The following GALNT17 variants were observed in gnomAD, a reference collection of about 807,000 sequenced individuals.
GALNT17 encodes the protein polypeptide N-acetylgalactosaminyltransferase 17, also known as UDP-GalNAc:polypeptide N-acetylgalactosaminyltransferase-like 3.
In GALNT17, 29 loss-of-function variants were observed where a neutral mutation model predicts 63.7. The ratio of observed to expected loss-of-function variants is 0.46; its 90% CI spans 0.34 to 0.62. The LOEUF (loss-of-function observed/expected upper bound fraction) is 0.62. Among genes scored for constraint, GALNT17 ranks in the 20% least tolerant of loss-of-function variants. GALNT17 has a pLI of 0.01. For synonymous variants in GALNT17, 305 were observed against 318.3 expected (o/e 0.96, Z 0.45); for missense variants, 603 against 799.6 (o/e 0.75, Z 2.97).
At position 71,278,929 on chromosome 7, in the gene GALNT17, CT is replaced by C. The variant is rs918756020; in HGVS notation, c.239-56610del. ...TTTTCCTCTTTTTCTTCTTCTTCTT[CT>C]TTTTTTTTTTAATTGAGATGGAGTC... On this transcript the variant is annotated intron_variant, in intron 1 of 10. Coordinates refer to ENST00000333538, the MANE Select transcript of GALNT17 (RefSeq NM_022479.3). Among the ~76,000 whole-genome samples the C allele has an allele frequency of 8.3e-3, 1,197 of 145,066 alleles. 14 individuals are homozygous for C. Among genetic ancestry groups the C allele is most frequent in the African/African-American group, 0.025 (1,008 of 39,848 alleles).
At chr7:71,573,627 C>T (rs972070018) in intron 6 of GALNT17, among the ~76,000 whole-genome samples, 8 of 152,194 alleles carry the variant, frequency 5.3e-5, no homozygotes, top group African/African-American at 1.9e-4. Context: ...AGCCACCACA[C>T]CTGGCCTATT....
chr7:71,499,517 C>T (rs1433720108), intron 5 of GALNT17, among the ~76,000 whole-genome samples: 1 of 152,108 alleles, frequency 6.6e-6, no homozygotes, highest in Non-Finnish European at 1.5e-5. Context: ...AGGCTCAGAT[C>T]ACAGTGAGAG....
chr7:71,335,575 T>G lies in GALNT17; in HGVS notation c.264T>G (p.Ile88Met). 1 of 1,605,612 alleles carries G rather than the reference T, an allele frequency of 6.2e-7. No homozygotes were observed. The highest frequency in any genetic ancestry group is 1.1e-5 in the South Asian group (1 of 89,760). Reference protein sequence around the residue: ...LNGLSKSLGLIEGYGGRGKGG... With the variant: ...LNGLSKSLGLMEGYGGRGKGG... ...GCTTATCCAAATCCCTTGGGCTCAT[T>G]GAAGGTTATGGTGGGCGGGGTAAAG... Residue 88 changes from isoleucine (I) to methionine (M), a missense_variant, in exon 2 of 11, where the codon ATT (isoleucine) becomes ATG (methionine). By Grantham distance (10) the Ile-to-Met change is conservative (BLOSUM62 1). Around this residue, in one of 3 missense-constraint regions of GALNT17, gnomAD observed 195 missense variants for 215.0 expected, o/e 0.91. Coordinates refer to ENST00000333538, the MANE Select transcript of GALNT17 (RefSeq NM_022479.3).
At chr7:71,244,941 C>A (rs1790066606) in intron 1 of GALNT17, among the ~76,000 whole-genome samples, 2 of 151,448 alleles carry the variant, frequency 1.3e-5, no homozygotes, top group African/African-American at 4.9e-5. Flanking sequence ...CAGAGCGAGA[C>A]CCTATCTCCA....
At chr7:71,336,512 T>G (rs1791910686) in intron 2 of GALNT17, among the ~76,000 whole-genome samples, 1 of 152,194 alleles carries the variant, frequency 6.6e-6, no homozygotes. Flanking sequence ...CACTTTCAAG[T>G]AGGCCTCATG....
At position 71,428,445 on chromosome 7, in the gene GALNT17, T is replaced by C. The variant is rs1786800075; in HGVS notation, c.962+7340T>C. Among the ~76,000 whole-genome samples, 4 of 152,124 alleles carry C rather than the reference T, an allele frequency of 2.6e-5. No individual in the cohort carries two copies. In the South Asian group the frequency reaches 8.3e-4, roughly 32 times the overall value. On this transcript the variant is annotated intron_variant, in intron 5 of 10. Coordinates refer to ENST00000333538, the MANE Select transcript of GALNT17 (RefSeq NM_022479.3). ...TGCTTTTCTTGGTGGACATCCCTTT[T>C]ATTATTTTTTTTGAGACAGAATCTC...
chr7:71,499,811 G>A (rs1173297410), intron 5 of GALNT17, among the ~76,000 whole-genome samples: 1 of 152,280 alleles, frequency 6.6e-6, no homozygotes, highest in Middle Eastern at 3.4e-3. Flanking sequence ...ATCTTAAATT[G>A]TAGTTCCCAT....
At chr7:71,245,063 G>C (rs967665096) in intron 1 of GALNT17, among the ~76,000 whole-genome samples, 2 of 152,120 alleles carry the variant, frequency 1.3e-5, no homozygotes, top group African/African-American at 4.8e-5. Flanking sequence ...CCCCACTCTA[G>C]GACCTTCCAA....
At chr7:71,527,764 C>T (rs758255392) in intron 5 of GALNT17, among the ~76,000 whole-genome samples, 8 of 152,140 alleles carry the variant, frequency 5.3e-5, no homozygotes, top group Non-Finnish European at 1.2e-4. Context: ...TGTGTATGCG[C>T]ACGCGTGCAT....
chr7:71,147,725 A>T (rs1788049384), intron 1 of GALNT17, among the ~76,000 whole-genome samples: 1 of 151,734 alleles, frequency 6.6e-6, no homozygotes, highest in Non-Finnish European at 1.5e-5. Flanking sequence ...TCCACCTCCC[A>T]GGTTCCATCG....
At chr7:71,141,679 C>CTTTTTTT (rs772422312) in intron 1 of GALNT17, among the ~76,000 whole-genome samples, 1 of 139,428 alleles carries the variant, frequency 7.2e-6, no homozygotes, top group African/African-American at 2.7e-5. Flanking sequence ...TTCTTTCTTT[C>CTTTTTTT]TTTTTTTTTT....
At chr7:71,656,259 G>C (rs1790827067) in intron 6 of GALNT17, among the ~76,000 whole-genome samples, 1 of 152,150 alleles carries the variant, frequency 6.6e-6, no homozygotes, top group Non-Finnish European at 1.5e-5. Flanking sequence ...ACCGTGATAA[G>C]GGCTATGCTA....
At chr7:71,583,625 C>A (rs1318861558) in intron 6 of GALNT17, among the ~76,000 whole-genome samples, 2 of 152,094 alleles carry the variant, frequency 1.3e-5, no homozygotes, top group Admixed American at 6.5e-5. Context: ...GATAGCAGGG[C>A]CATTTTGCTA....
chr7:71,348,260 CAA>C (rs35041703), intron 2 of GALNT17, among the ~76,000 whole-genome samples: 24 of 137,172 alleles, frequency 1.7e-4, no homozygotes, highest in African/African-American at 1.6e-4. Flanking sequence ...GACTCTGTCT[CAA>C]AAAAAAAAAA....
chr7:71,254,046 C>T (rs1583801778), intron 1 of GALNT17, among the ~76,000 whole-genome samples: 1 of 152,264 alleles, frequency 6.6e-6, no homozygotes, highest in Admixed American at 6.5e-5. Flanking sequence ...TTCAGGGAGA[C>T]ATAAGACATC....
chr7:71,613,125 C>A (rs1357505464), intron 6 of GALNT17, among the ~76,000 whole-genome samples: 1 of 152,190 alleles, frequency 6.6e-6, no homozygotes, highest in African/African-American at 2.4e-5. Context: ...CAGTTCAGGG[C>A]TGCAGCCAAA....
chr7:71,203,370 A>G (rs578218143), intron 1 of GALNT17, among the ~76,000 whole-genome samples: 18 of 152,292 alleles, frequency 1.2e-4, no homozygotes, highest in African/African-American at 4.3e-4. Context: ...TGTGTTTTCA[A>G]TTTGCATTTC....
intron 1 of GALNT17, among the ~76,000 whole-genome samples, chr7:71,201,241 T>TATATATATATATATATATATATA (rs1554338085): frequency 0.011 from 1,500 of 138,002 alleles, 33 homozygotes; most frequent in Middle Eastern, 0.029. Context: ...GTGTTTATTT[T>TATATATATATATATATATATATA]TATATATATA....
intron 2 of GALNT17, among the ~76,000 whole-genome samples, chr7:71,359,591 A>ATTT (rs34744394): frequency 6.8e-6 from 1 of 146,188 alleles, no homozygotes; most frequent in Non-Finnish European, 1.5e-5. Context: ...AGTGGGTATA[A>ATTT]TTTTTTTTTT....
Sources: allele counts gnomAD v4.1 joint callset (sites outside exome capture counted in the v4.1 genomes callset), GRCh38; gene constraint gnomAD v4.1.1; regional missense constraint gnomAD v4.1.1; transcripts MANE v1.5; gene names NCBI Gene and HGNC (gene_info 2026-07-23, HGNC 2026-07-21).